The following ERBIN variants were observed in gnomAD, a reference collection of about 807,000 sequenced individuals.
ERBIN encodes densin-180-like protein.
ERBIN carries 60 observed loss-of-function variants against 158.4 expected under a neutral mutation model. That is an observed-to-expected ratio of 0.38 (90% confidence interval 0.31 to 0.47). ERBIN has a LOEUF of 0.47. Ranked by LOEUF, ERBIN falls within the 20% of genes least tolerant of loss-of-function variation. The pLI is 0.99. For synonymous variants in ERBIN, 594 were observed against 557.2 expected, an observed-to-expected ratio of 1.07 and a Z score of -0.93; for missense variants, 1,610 against 1,648.0, an observed-to-expected ratio of 0.98 and a Z score of 0.40.
intron 22 of ERBIN, among the ~76,000 whole-genome samples, chr5:66,074,803 G>A (rs1761839752): frequency 1.3e-5 from 2 of 152,132 alleles, no homozygotes; most frequent in Non-Finnish European, 2.9e-5. Context: ...TTAAAAAAGT[G>A]AGTGTAACAA....
chr5:66,026,461 G>A, intron 13 of ERBIN, 44 bp downstream of exon 13: 1 of 1,103,950 alleles, frequency 9.1e-7, no homozygotes, highest in South Asian at 1.5e-5. Context: ...GGAGACATTG[G>A]TTAGATGAAA....
chr5:66,045,539 G>C (rs1758350263), intron 17 of ERBIN, among the ~76,000 whole-genome samples: 1 of 136,290 alleles, frequency 7.3e-6, no homozygotes, highest in Non-Finnish European at 1.5e-5. Context: ...AGTACACTCT[G>C]TGATGTTCAC....
chr5:66,048,252 G>A (rs1284643451), intron 18 of ERBIN, among the ~76,000 whole-genome samples: 2 of 151,832 alleles, frequency 1.3e-5, no homozygotes, highest in African/African-American at 2.4e-5. Context: ...CCCTGATTAC[G>A]AGGCTCTGAA....
intron 4 of ERBIN, among the ~76,000 whole-genome samples, chr5:65,998,943 G>C (rs1277929169): frequency 6.7e-6 from 1 of 149,120 alleles, no homozygotes; most frequent in South Asian, 2.1e-4. Flanking sequence ...AGAAACATGT[G>C]TAAAAGGTAA....
At chr5:66,023,228 C>A in intron 8 of ERBIN, 62 bp from the exon 9 acceptor site, 1 of 1,209,946 alleles carries the variant, frequency 8.3e-7, no homozygotes, top group Non-Finnish European at 1.2e-6. Flanking sequence ...CTTCTTTTGC[C>A]AGATAAAGAC....
intron 21 of ERBIN, among the ~76,000 whole-genome samples, chr5:66,064,714 G>A (rs1580521226): frequency 2.0e-5 from 3 of 152,270 alleles, no homozygotes; most frequent in African/African-American, 4.8e-5. Context: ...CCAAATGAGA[G>A]ATACTTGAGC....
intron 1 of ERBIN, among the ~76,000 whole-genome samples, chr5:65,940,360 C>T (rs1287648176): frequency 1.3e-5 from 2 of 148,526 alleles, no homozygotes; most frequent in African/African-American, 5.2e-5. Flanking sequence ...GCAGCCACCC[C>T]GTCTGGGAAG....
chr5:65,961,981 A>G (rs984399690), intron 1 of ERBIN, among the ~76,000 whole-genome samples: 1 of 152,198 alleles, frequency 6.6e-6, no homozygotes, highest in Non-Finnish European at 1.5e-5. Flanking sequence ...TTGTAAAACC[A>G]AGTAAGGTTT....
At chr5:65,949,189 A>G (rs976828557) in intron 1 of ERBIN, among the ~76,000 whole-genome samples, 4 of 152,194 alleles carry the variant, frequency 2.6e-5, no homozygotes, top group Non-Finnish European at 5.9e-5. Context: ...ACTTGATATT[A>G]TTATAAAGTT....
intron 21 of ERBIN, among the ~76,000 whole-genome samples, chr5:66,061,734 G>A (rs1464411818): frequency 6.6e-6 from 1 of 152,286 alleles, no homozygotes; most frequent in East Asian, 1.9e-4. Flanking sequence ...TTTAGGGCAG[G>A]CCTGGTGGTG....
chr5:66,042,170 T>G (rs1172813877), intron 15 of ERBIN, among the ~76,000 whole-genome samples: 2 of 152,094 alleles, frequency 1.3e-5, no homozygotes, highest in Non-Finnish European at 2.9e-5. Context: ...TCTGGGGTTC[T>G]TTAAAGCTCA....
chr5:66,048,267 C>T (rs6871203), intron 18 of ERBIN, among the ~76,000 whole-genome samples: 1,788 of 151,920 alleles, frequency 0.012, 38 homozygotes, highest in African/African-American at 0.041. Context: ...TCTGAAAAGC[C>T]AAGCTAAGAA....
chr5:66,024,288 TTC>T lies in ERBIN; in HGVS notation c.673-16_673-15del. The T allele has an allele frequency of 6.9e-7, 1 of 1,440,394 alleles. No homozygotes were observed. Among genetic ancestry groups the T allele is most frequent in the Non-Finnish European group, 9.5e-7 (1 of 1,057,142 alleles). The allele number at this position is 1,440,394 out of a possible 1,614,324, so 89.2% of individuals were successfully genotyped here. A position where few individuals can be genotyped will look rare whatever the true frequency, so the allele number is the denominator to read the frequency against. ...CTAATGTTAATAGAGTCATTAGATTTTCTTTTTTTACTTATAGTTTATTGGTA... is the reference window on the plus strand; with the variant it reads ...CTAATGTTAATAGAGTCATTAGATTTTTTTTTTACTTATAGTTTATTGGTA... On this transcript the variant is annotated splice_polypyrimidine_tract_variant and intron_variant, in intron 9 of 25. Transcript: ENST00000284037.
rs1419862905 is a variant in ERBIN at position 66,079,985 on chromosome 5, A to G, written c.*1455A>G. 1.3e-5 allele frequency: 2 copies of G among 152,196 alleles called. No homozygotes were observed. The allele number at this position is 152,196 out of a possible 1,614,324, so 9.4% of individuals were successfully genotyped here. On this transcript the variant is annotated 3_prime_UTR_variant, in exon 26 of 26. Transcript: ENST00000284037. ...ATGCATGGTTATTTGGACCAGAAAAAAGTGCCATAGAAGACCAATAACTGT... is the reference window on the plus strand; with the variant it reads ...ATGCATGGTTATTTGGACCAGAAAAGAGTGCCATAGAAGACCAATAACTGT...
chr5:65,996,891 A>G (rs961884966), intron 4 of ERBIN, among the ~76,000 whole-genome samples: 2 of 152,068 alleles, frequency 1.3e-5, no homozygotes, highest in Non-Finnish European at 2.9e-5. Flanking sequence ...GGTAGCTATT[A>G]TAAATGGGAT....
Position 66,054,500 on chromosome 5 carries a change from C to T in ERBIN, c.3182C>T (p.Pro1061Leu), listed in dbSNP as rs1329291940. ...CATGGGGAAATGTGGGCCATCTCAC[C>T]AAACGACCGACTTATTCCTGCAGTA... ...ARHGEMWAIS[P>L]NDRLIPAVTR... The change falls in exon 21 of 26, where the codon CCA (proline) becomes CTA (leucine). Residue 1061 changes from proline (P) to leucine (L), a missense_variant. Physicochemically the swap from Pro to Leu is moderately conservative, Grantham distance 98. Transcript: ENST00000284037. 6.2e-7 allele frequency: 1 copy of T among 1,614,064 alleles called. No homozygotes were observed. Among genetic ancestry groups the T allele is most frequent in the Non-Finnish European group, 8.5e-7 (1 of 1,180,028 alleles).
At chr5:65,998,314 G>A (rs977821471) in intron 4 of ERBIN, among the ~76,000 whole-genome samples, 28 of 150,664 alleles carry the variant, frequency 1.9e-4, no homozygotes, top group Admixed American at 1.9e-3. Context: ...TCATTGAAAT[G>A]TATGTTTTAT....
chr5:66,013,434 T>G (rs1754412722), intron 5 of ERBIN, 115 bp from the exon 6 acceptor site: 2 of 780,814 alleles, frequency 2.6e-6, no homozygotes. Flanking sequence ...TAGCCACTCA[T>G]AACAGAAGCG....
intron 1 of ERBIN, among the ~76,000 whole-genome samples, chr5:65,979,151 G>T (rs922778334): frequency 6.6e-6 from 1 of 152,162 alleles, no homozygotes; most frequent in East Asian, 1.9e-4. Flanking sequence ...TTATAGTGGG[G>T]CGTGGTGGCT....
Sources: allele counts gnomAD v4.1 joint callset (sites outside exome capture counted in the v4.1 genomes callset), GRCh38; gene constraint gnomAD v4.1.1; transcripts MANE v1.5; gene names NCBI Gene and HGNC (gene_info 2026-07-23, HGNC 2026-07-21).